Variants in NEBL observed in about 807,000 individuals in gnomAD.
NEBL encodes the protein LIM and SH3 protein 2.
A neutral mutation model predicts 140.2 loss-of-function variants in NEBL; 122 were observed. The observed-to-expected ratio is 0.87, with a 90% CI of 0.75 to 1.01. The LOEUF is 1.01. Ranked by LOEUF, NEBL falls within the 50% of genes least tolerant of loss-of-function variation. The pLI is 0.00. For synonymous variants in NEBL, 436 were observed against 398.9 expected (o/e 1.09, Z -1.11); for missense variants, 1,365 against 1,231.3 (o/e 1.11, Z -1.62).
At chr10:20,966,640 G>A (rs535198682) in intron 3 of NEBL, among the ~76,000 whole-genome samples, 16 of 152,276 alleles carry the variant, frequency 1.1e-4, no homozygotes, top group South Asian at 2.1e-4. Context: ...CCTGGACACC[G>A]GAGCAGTTCT....
At chr10:21,033,762 A>G (rs944100684) in intron 2 of NEBL, among the ~76,000 whole-genome samples, 1 of 151,692 alleles carries the variant, frequency 6.6e-6, no homozygotes, top group South Asian at 2.1e-4. Flanking sequence ...AAAAAGAAAG[A>G]AAAGAAAAGA....
At chr10:20,804,543 T>A (rs976614881) in intron 26 of NEBL, 4 of 152,182 alleles carry the variant, frequency 2.6e-5, no homozygotes, top group African/African-American at 7.2e-5. Context: ...TCAGAATTAA[T>A]CTTGGGCTCC....
chr10:21,280,853 G>C (rs1842984727), intron 1 of NEBL, among the ~76,000 whole-genome samples: 2 of 151,912 alleles, frequency 1.3e-5, no homozygotes, highest in African/African-American at 2.4e-5. Flanking sequence ...GACCTCAGGT[G>C]ATCTGCCCAC....
rs146867634 is a variant in NEBL at position 21,181,858 on chromosome 10, C to T, written n.349-9381G>A. ...TCTTTCTTATTTCCAGTAAGTATTC[C>T]AAAGAAAAACATGTTGACTGGCCCA... is the stretch of plus-strand genomic sequence containing the variant. On this transcript the variant is annotated intron_variant and non_coding_transcript_variant, in intron 3 of 8. Coordinates refer to the NEBL transcript ENST00000675702. Among the ~76,000 whole-genome samples, 239 of 152,230 alleles carry T rather than the reference C, an allele frequency of 1.6e-3. 1 individual carries two copies. Among genetic ancestry groups the T allele is most frequent in the African/African-American group, 4.7e-3 (194 of 41,544 alleles).
chr10:20,939,901 T>A (rs1834751843), intron 4 of NEBL, among the ~76,000 whole-genome samples: 1 of 152,140 alleles, frequency 6.6e-6, no homozygotes, highest in Admixed American at 6.6e-5. Context: ...TACATATATA[T>A]GCACCCAATA....
chr10:20,824,823 C>T (rs926199764), intron 18 of NEBL, among the ~76,000 whole-genome samples: 1 of 152,158 alleles, frequency 6.6e-6, no homozygotes, highest in African/African-American at 2.4e-5. Flanking sequence ...ACAGTTATTT[C>T]ACTGTAGTCT....
At chr10:20,906,855 C>T (rs914643155) in intron 4 of NEBL, among the ~76,000 whole-genome samples, 2 of 152,082 alleles carry the variant, frequency 1.3e-5, no homozygotes, top group African/African-American at 4.8e-5. Flanking sequence ...AAATCTCTAA[C>T]TTTCTCTCCT....
At chr10:20,955,045 A>AT (rs945669467) in intron 4 of NEBL, among the ~76,000 whole-genome samples, 2 of 152,226 alleles carry the variant, frequency 1.3e-5, no homozygotes, top group African/African-American at 2.4e-5. Flanking sequence ...ACATGATCAG[A>AT]TGTGCATTTT....
At chr10:21,054,460 C>G (rs545253450) in intron 2 of NEBL, among the ~76,000 whole-genome samples, 1 of 152,324 alleles carries the variant, frequency 6.6e-6, no homozygotes, top group East Asian at 1.9e-4. Context: ...CAGCCTTGCA[C>G]TTAAGCAGCT....
intron 1 of NEBL, among the ~76,000 whole-genome samples, chr10:21,272,155 C>T (rs184923521): frequency 3.0e-5 from 3 of 101,612 alleles, no homozygotes; most frequent in African/African-American, 1.4e-4. Context: ...TTAGTAGAGA[C>T]GGGGTTTCAC....
At chr10:20,822,536 T>G (rs1392869545) in intron 19 of NEBL, among the ~76,000 whole-genome samples, 5 of 151,558 alleles carry the variant, frequency 3.3e-5, no homozygotes, top group Non-Finnish European at 5.9e-5. Context: ...TATAGATAGG[T>G]AGTAGTCTAA....
At chr10:21,100,011 T>A (rs1408682479) in intron 2 of NEBL, among the ~76,000 whole-genome samples, 2 of 152,304 alleles carry the variant, frequency 1.3e-5, no homozygotes, top group South Asian at 2.1e-4. Flanking sequence ...CAATCCTTTC[T>A]ATTTCCCTTA....
rs1050261613 is a variant in NEBL, at chr10:20,840,791, G to C, written c.1286C>G (p.Ser429Ter). The change falls in exon 13 of 28, where the codon TCA (serine) becomes TGA (stop). Residue 429 changes from serine (S) to a stop codon, truncating the protein, a stop_gained. Coordinates refer to ENST00000377122, the MANE Select transcript of NEBL (RefSeq NM_006393.3). LOFTEE classifies it high-confidence loss of function. ...EIKGKGMELN[S>*]EVLDIQRAKR... ...TGCTCTTTGGATATCAAGAACTTCT[G>C]AATTAAGTTCCATTCCTTTCCCTTT... 6.2e-7 allele frequency: 1 copy of C among 1,611,592 alleles called. No homozygotes were observed. The highest frequency in any genetic ancestry group is 1.7e-5 in the Admixed American group (1 of 59,886).
intron 3 of NEBL, among the ~76,000 whole-genome samples, chr10:21,212,798 G>A (rs769852749): frequency 2.6e-5 from 4 of 152,076 alleles, no homozygotes; most frequent in Non-Finnish European, 5.9e-5. Context: ...GAAATAGCTG[G>A]CTTGACTACC....
chr10:20,918,536 T>G (rs970387638), intron 4 of NEBL, among the ~76,000 whole-genome samples: 1 of 151,922 alleles, frequency 6.6e-6, no homozygotes, highest in Non-Finnish European at 1.5e-5. Flanking sequence ...TCAGTGCACT[T>G]AAGTAAGTAC....
At chr10:20,799,975 G>A (rs368023644) in intron 26 of NEBL, among the ~76,000 whole-genome samples, 36 of 152,052 alleles carry the variant, frequency 2.4e-4, no homozygotes, top group South Asian at 1.5e-3. Flanking sequence ...GAGCGCACGC[G>A]TGTGAGAGAG....
At chr10:21,042,366 T>C (rs182673739) in intron 2 of NEBL, among the ~76,000 whole-genome samples, 47 of 152,342 alleles carry the variant, frequency 3.1e-4, no homozygotes, top group African/African-American at 1.0e-3. Flanking sequence ...CACTGGCTCA[T>C]GGGAGCTGAC....
chr10:21,005,474 C>T (rs1308209059), intron 3 of NEBL, among the ~76,000 whole-genome samples: 1 of 151,182 alleles, frequency 6.6e-6, no homozygotes, highest in Non-Finnish European at 1.5e-5. Flanking sequence ...GTGGCTTGCA[C>T]CTGTAATCCC....
intron 3 of NEBL, among the ~76,000 whole-genome samples, chr10:21,000,915 A>G (rs1326871900): frequency 6.6e-6 from 1 of 152,172 alleles, no homozygotes; most frequent in Non-Finnish European, 1.5e-5. Flanking sequence ...AAGGGCAGAG[A>G]AAAAGGGAAG....
Sources: gnomAD v4.1 joint callset for allele counts (sites outside exome capture counted in the v4.1 genomes callset) on GRCh38, gnomAD v4.1.1 for gene constraint, MANE v1.5 for transcripts, NCBI Gene and HGNC (gene_info 2026-07-23, HGNC 2026-07-21) for gene names.